PRDM5: variants seen among roughly 807,000 people sequenced by gnomAD.
The protein encoded by PRDM5 is PR domain zinc finger protein 5.
Under a neutral mutation model 81.2 loss-of-function variants are expected in PRDM5, and 56 were observed. The observed-to-expected ratio is 0.69, with a 90% confidence interval of 0.56 to 0.86. PRDM5 has a LOEUF of 0.86. Ranked by LOEUF, PRDM5 falls within the 40% of genes least tolerant of loss-of-function variation. The pLI is 0.00. For synonymous variants in PRDM5, 267 were observed against 256.4 expected (o/e 1.04, Z -0.39); for missense variants, 697 against 770.1 (o/e 0.91, Z 1.12).
At chr4:120,781,926 A>T (rs1260470808) in intron 11 of PRDM5, among the ~76,000 whole-genome samples, 1 of 152,192 alleles carries the variant, frequency 6.6e-6, no homozygotes, top group Non-Finnish European at 1.5e-5. Flanking sequence ...GGGGTCTTTC[A>T]GAGAGGAATT....
At chr4:120,808,760 G>A (rs769085713) in intron 8 of PRDM5, among the ~76,000 whole-genome samples, 18 of 152,322 alleles carry the variant, frequency 1.2e-4, no homozygotes, top group Non-Finnish European at 2.6e-4. Flanking sequence ...CCCCTACAGG[G>A]AGGTAGCTAA....
chr4:120,746,628 TG>T (rs1211083868), intron 14 of PRDM5, among the ~76,000 whole-genome samples: 25 of 143,094 alleles, frequency 1.7e-4, no homozygotes, highest in African/African-American at 5.9e-4. Flanking sequence ...GCGAAGGACA[TG>T]AACAGACACT....
chr4:120,876,665 T>C (rs982122364), intron 2 of PRDM5, among the ~76,000 whole-genome samples: 2 of 152,158 alleles, frequency 1.3e-5, no homozygotes, highest in African/African-American at 2.4e-5. Flanking sequence ...CCACATCAGA[T>C]ATATTCCAGG....
At chr4:120,808,807 C>T (rs1023061430) in intron 8 of PRDM5, among the ~76,000 whole-genome samples, 37 of 152,302 alleles carry the variant, frequency 2.4e-4, no homozygotes, top group South Asian at 2.3e-3. Flanking sequence ...GCTGCTGGCC[C>T]AGGTGCTAAG....
At chr4:120,917,001 CT>C (rs1292795278) in intron 1 of PRDM5, among the ~76,000 whole-genome samples, 2 of 152,230 alleles carry the variant, frequency 1.3e-5, no homozygotes, top group African/African-American at 2.4e-5. Flanking sequence ...GCTTGATAAA[CT>C]TATGTCACTC....
intron 14 of PRDM5, among the ~76,000 whole-genome samples, chr4:120,739,969 C>T (rs767982335): frequency 1.3e-4 from 20 of 151,950 alleles, no homozygotes; most frequent in Non-Finnish European, 2.1e-4. Flanking sequence ...ATGATGCTGT[C>T]GGTCTCTGAA....
At chr4:120,738,185 C>T (rs569062332) in intron 14 of PRDM5, among the ~76,000 whole-genome samples, 1 of 152,358 alleles carries the variant, frequency 6.6e-6, no homozygotes, top group South Asian at 2.1e-4. Flanking sequence ...ATCACCCACG[C>T]TTGAGTTTGC....
chr4:120,804,705 G>A (rs1200958136), intron 8 of PRDM5, among the ~76,000 whole-genome samples: 3 of 152,196 alleles, frequency 2.0e-5, no homozygotes, highest in Admixed American at 6.5e-5. Flanking sequence ...AAAGTAGTGT[G>A]TAGAGGGAAA....
intron 14 of PRDM5, among the ~76,000 whole-genome samples, chr4:120,721,241 C>T (rs1352771951): frequency 6.6e-6 from 1 of 152,156 alleles, no homozygotes; most frequent in Non-Finnish European, 1.5e-5. Context: ...TAAACTTTTC[C>T]CTAATATTCT....
intron 3 of PRDM5, among the ~76,000 whole-genome samples, chr4:120,825,850 T>A (rs1180449509): frequency 1.3e-5 from 2 of 149,048 alleles, no homozygotes; most frequent in African/African-American, 4.8e-5. Context: ...TACCAATCAA[T>A]TGTCTGAACC....
chr4:120,778,830 G>A (rs1281548049), intron 12 of PRDM5, among the ~76,000 whole-genome samples: 2 of 152,052 alleles, frequency 1.3e-5, no homozygotes, highest in African/African-American at 4.8e-5. Context: ...TTCAGTAAGA[G>A]CCTTTACTCC....
chr4:120,900,628 AT>A (rs1307235158), intron 2 of PRDM5, among the ~76,000 whole-genome samples: 1 of 152,190 alleles, frequency 6.6e-6, no homozygotes, highest in Admixed American at 6.5e-5. Context: ...ATCCATATAT[AT>A]TTTAACTGAT....
intron 2 of PRDM5, 146 bp downstream of exon 2, chr4:120,907,328 C>T (rs1765923565): frequency 2.7e-6 from 2 of 733,054 alleles, no homozygotes; most frequent in Non-Finnish European, 4.4e-6. Flanking sequence ...GAGCAAATCT[C>T]CATCTCAAAA....
chr4:120,848,783 G>A (rs1328721092), intron 3 of PRDM5, among the ~76,000 whole-genome samples: 2 of 152,066 alleles, frequency 1.3e-5, no homozygotes, highest in Admixed American at 1.3e-4. Context: ...TAAGACCAAA[G>A]TAGAGCAGGT....
At chr4:120,716,977 C>T (rs1737853972) in intron 14 of PRDM5, among the ~76,000 whole-genome samples, 2 of 150,586 alleles carry the variant, frequency 1.3e-5, no homozygotes, top group South Asian at 4.2e-4. Context: ...ATGGTCAACA[C>T]AGTTAGAAGA....
intron 13 of PRDM5, among the ~76,000 whole-genome samples, chr4:120,775,301 C>A (rs910010375): frequency 6.6e-6 from 1 of 152,032 alleles, no homozygotes; most frequent in Non-Finnish European, 1.5e-5. Context: ...ATTCTTGGAA[C>A]TCTAAAAATC....
intron 2 of PRDM5, among the ~76,000 whole-genome samples, chr4:120,872,563 C>A (rs1194839159): frequency 6.6e-6 from 1 of 152,066 alleles, no homozygotes; most frequent in Non-Finnish European, 1.5e-5. Context: ...CCAGTCTGGG[C>A]AACATACCCT....
chr4:120,701,390 T>C (rs1002777334), intron 15 of PRDM5, among the ~76,000 whole-genome samples: 1 of 152,154 alleles, frequency 6.6e-6, no homozygotes, highest in Non-Finnish European at 1.5e-5. Flanking sequence ...TGCATGTTCA[T>C]TGAAGAACTA....
chr4:120,760,378 C>A (rs748643341), intron 13 of PRDM5, among the ~76,000 whole-genome samples: 1 of 152,144 alleles, frequency 6.6e-6, no homozygotes, highest in Non-Finnish European at 1.5e-5. Flanking sequence ...GTCTTGAGAA[C>A]TACATACAGG....
Sources: gnomAD v4.1 joint callset for allele counts (sites outside exome capture counted in the v4.1 genomes callset) on GRCh38, gnomAD v4.1.1 for gene constraint, MANE v1.5 for transcripts, NCBI Gene and HGNC (gene_info 2026-07-23, HGNC 2026-07-21) for gene names.